ABHD17C: variants seen among roughly 807,000 people sequenced by gnomAD.
ABHD17C encodes abhydrolase domain containing 17C, depalmitoylase.
In ABHD17C, 11 loss-of-function variants were observed where a neutral mutation model predicts 27.9. The ratio of observed to expected loss-of-function variants is 0.39; its 90% confidence interval spans 0.25 to 0.65. The LOEUF (loss-of-function observed/expected upper bound fraction) is 0.65, where lower values mean the gene tolerates loss of function less well. Among genes scored for constraint, ABHD17C ranks in the 30% least tolerant of loss-of-function variants. ABHD17C has a pLI of 0.45. For synonymous variants in ABHD17C, 233 were observed against 209.1 expected (o/e 1.11, Z -0.98); for missense variants, 280 against 470.2 (o/e 0.60, Z 3.74).
At chr15:80,724,317 G>A (rs994583679) in intron 1 of ABHD17C, among the ~76,000 whole-genome samples, 2 of 152,134 alleles carry the variant, frequency 1.3e-5, no homozygotes, top group Non-Finnish European at 2.9e-5. Flanking sequence ...AACAGAGCAA[G>A]ACCCTGTCTC....
intron 1 of ABHD17C, among the ~76,000 whole-genome samples, chr15:80,747,152 A>G (rs1296579131): frequency 6.6e-6 from 1 of 152,188 alleles, no homozygotes. Context: ...CCTGTCCACA[A>G]GAGTGGTCAT....
At chr15:80,712,292 T>G (rs1894738437) in intron 1 of ABHD17C, among the ~76,000 whole-genome samples, 1 of 152,212 alleles carries the variant, frequency 6.6e-6, no homozygotes, top group South Asian at 2.1e-4. Flanking sequence ...TTGAGAGCTC[T>G]TTCTTTTCAG....
At chr15:80,753,553 T>C (rs1418772966) in intron 2 of ABHD17C, among the ~76,000 whole-genome samples, 1 of 152,194 alleles carries the variant, frequency 6.6e-6, no homozygotes, top group Admixed American at 6.5e-5. Context: ...CTTTTCTTTT[T>C]TTTCTTGAGA....
intron 1 of ABHD17C, among the ~76,000 whole-genome samples, chr15:80,714,325 T>C (rs1596063081): frequency 6.6e-6 from 1 of 152,236 alleles, no homozygotes; most frequent in East Asian, 1.9e-4. Flanking sequence ...TCCTTGAACG[T>C]CTGTTTTATG....
Position 80,749,588 on chromosome 15 carries a change from G to A in ABHD17C, c.666G>A (p.Ser222=), listed in dbSNP as rs751119606. 1.6e-5 allele frequency: 26 copies of A among 1,613,792 alleles called. No homozygotes were observed. Among genetic ancestry groups the A allele is most frequent in the South Asian group, 9.9e-5 (9 of 91,078 alleles). Residue 222 remains serine, a synonymous_variant, in exon 2 of 3, where the codon TCG becomes TCA. Coordinates refer to ENST00000258884, the MANE Select transcript of ABHD17C (RefSeq NM_021214.2). ...IGTVPTVDLA[S]RYECAAVILH... ...CTGTCCCCACGGTAGACTTGGCCTC[G>A]AGGTATGAATGCGCAGCGGTAATTC... is the stretch of plus-strand genomic sequence containing the variant.
chr15:80,713,354 C>CTTTTTTGTTTTTTTT (rs1894753472), intron 1 of ABHD17C, among the ~76,000 whole-genome samples: 1 of 43,854 alleles, frequency 2.3e-5, no homozygotes, highest in Admixed American at 4.6e-4. Flanking sequence ...AGGTCTTGTT[C>CTTTTTTGTTTTTTTT]TTTTTTTTTT....
chr15:80,698,917 A>C (rs1463631414), intron 1 of ABHD17C, among the ~76,000 whole-genome samples: 1 of 152,092 alleles, frequency 6.6e-6, no homozygotes, highest in African/African-American at 2.4e-5. Context: ...CCTTGTTCTG[A>C]GTCATCTTCA....
At chr15:80,718,528 T>A (rs925814845) in intron 1 of ABHD17C, among the ~76,000 whole-genome samples, 1 of 151,990 alleles carries the variant, frequency 6.6e-6, no homozygotes. Flanking sequence ...GAGACGAGGT[T>A]TCACCATGTT....
At chr15:80,708,304 TTTTGTTTTGTTTTGTTTTG>T (rs1333766630) in intron 1 of ABHD17C, among the ~76,000 whole-genome samples, 2 of 148,218 alleles carry the variant, frequency 1.3e-5, no homozygotes, top group Non-Finnish European at 1.5e-5. Context: ...TTTTGTTTTG[TTTTGTTTTGTTTTGTTTTG>T]TTTGTTTTTC....
chr15:80,698,152 C>T (rs1468435940), intron 1 of ABHD17C, among the ~76,000 whole-genome samples: 1 of 150,426 alleles, frequency 6.6e-6, no homozygotes, highest in Non-Finnish European at 1.5e-5. Flanking sequence ...GTAAGCTCCA[C>T]CTCCCGGGTT....
chr15:80,740,994 A>T (rs1157751741), intron 1 of ABHD17C, among the ~76,000 whole-genome samples: 1 of 152,214 alleles, frequency 6.6e-6, no homozygotes, highest in Non-Finnish European at 1.5e-5. Flanking sequence ...GAAACAGATC[A>T]GTAGTTGACC....
intron 1 of ABHD17C, among the ~76,000 whole-genome samples, chr15:80,731,930 G>T (rs998793444): frequency 6.6e-6 from 1 of 152,148 alleles, no homozygotes; most frequent in Non-Finnish European, 1.5e-5. Flanking sequence ...GTGGCATTGA[G>T]GACATGTGCC....
intron 1 of ABHD17C, among the ~76,000 whole-genome samples, chr15:80,712,909 C>T (rs973544478): frequency 6.6e-6 from 1 of 152,020 alleles, no homozygotes; most frequent in Non-Finnish European, 1.5e-5. Context: ...TTATTAAAAA[C>T]AAAACAAAAC....
At chr15:80,718,793 C>T (rs964370866) in intron 1 of ABHD17C, among the ~76,000 whole-genome samples, 5 of 152,134 alleles carry the variant, frequency 3.3e-5, no homozygotes, top group Admixed American at 6.5e-5. Context: ...AATAGAGTGG[C>T]GTCATTTTGC....
chr15:80,743,972 T>C (rs948833210), intron 1 of ABHD17C, among the ~76,000 whole-genome samples: 2 of 152,230 alleles, frequency 1.3e-5, no homozygotes, highest in Non-Finnish European at 2.9e-5. Context: ...TATTCTAAAA[T>C]AAAGGCTTTA....
At chr15:80,720,037 A>T (rs1002783261) in intron 1 of ABHD17C, among the ~76,000 whole-genome samples, 1 of 152,160 alleles carries the variant, frequency 6.6e-6, no homozygotes, top group East Asian at 1.9e-4. Flanking sequence ...TGGGCTCAAG[A>T]AGCCCTCCCA....
At chr15:80,748,346 C>G (rs907538919) in intron 1 of ABHD17C, among the ~76,000 whole-genome samples, 1 of 152,192 alleles carries the variant, frequency 6.6e-6, no homozygotes, top group African/African-American at 2.4e-5. Context: ...TTCAACTTTT[C>G]CAGATAATGT....
rs570753615 is a variant in ABHD17C at position 80,724,462 on chromosome 15, C to T, written c.591-25051C>T. ...ATTTATTAATGACTCAGGGTCGTCA[C>T]TGTGGAAGTTGGGTATTATACAGTG... On this transcript the variant is annotated intron_variant, in intron 1 of 2. Transcript: ENST00000258884. Among the ~76,000 whole-genome samples the T allele has an allele frequency of 3.3e-5, 5 of 152,204 alleles. No individual in the cohort carries two copies. The East Asian group carries it at 9.7e-4, about 29-fold the overall frequency.
At chr15:80,727,301 G>A (rs747587262) in intron 1 of ABHD17C, among the ~76,000 whole-genome samples, 7 of 152,180 alleles carry the variant, frequency 4.6e-5, no homozygotes, top group Non-Finnish European at 5.9e-5. Context: ...TGGAGAGGGC[G>A]TGTTAGAGTA....
Sources: gnomAD v4.1 joint callset for allele counts (sites outside exome capture counted in the v4.1 genomes callset) on GRCh38, gnomAD v4.1.1 for gene constraint, MANE v1.5 for transcripts, NCBI Gene and HGNC (gene_info 2026-07-23, HGNC 2026-07-21) for gene names.